SLC25A28: variants seen among roughly 807,000 people sequenced by gnomAD.
The protein encoded by SLC25A28 is mitoferrin-2.
Under a neutral mutation model 31.9 loss-of-function variants are expected in SLC25A28, and 10 were observed. The observed-to-expected ratio is 0.31, with a 90% CI of 0.19 to 0.53. SLC25A28 has a LOEUF of 0.53. Ranked by LOEUF, SLC25A28 falls within the 20% of genes least tolerant of loss-of-function variation. The probability of loss-of-function intolerance (pLI) is 0.95; values close to 1 mark genes in which losing one functional copy is unlikely to be tolerated. For missense variants in SLC25A28, 256 were observed against 490.3 expected (o/e 0.52, Z 4.51); for synonymous variants, 208 against 203.6 (o/e 1.02, Z -0.19).
chr10:99,644,532 T>A, the SLC25A28 span, among the ~76,000 whole-genome samples: 1 of 152,232 alleles, frequency 6.6e-6, no homozygotes, highest in Non-Finnish European at 1.5e-5. Flanking sequence ...TGTCTTTTAA[T>A]TGGAGCGTTT....
At chr10:99,649,924 T>C in the SLC25A28 span, among the ~76,000 whole-genome samples, 3 of 152,194 alleles carry the variant, frequency 2.0e-5, no homozygotes, top group African/African-American at 7.2e-5. Context: ...TTTTTTTTGG[T>C]CCCTATTTCA....
At position 99,620,096 on chromosome 10, in the gene SLC25A28, G is replaced by C; in HGVS notation, c.240C>G (p.Ala80=). The change falls in exon 1 of 4, where the codon GCC becomes GCG. Residue 80 remains alanine, a synonymous_variant. Coordinates refer to ENST00000370495, the MANE Select transcript of SLC25A28 (RefSeq NM_031212.4). ...CGCAGTGCTCCAGGATCCCTGCCAC[G>C]GCGCCTGCCACCATGTGCGTGGTGA... The part of the protein sequence containing the change: ...ATVTTHMVAG[A]VAGILEHCVM... 1 of 1,580,476 alleles carries C rather than the reference G, an allele frequency of 6.3e-7. No individual in the cohort carries two copies. Among genetic ancestry groups the C allele is most frequent in the Non-Finnish European group, 8.5e-7 (1 of 1,170,702 alleles).
At chr10:99,619,318 T>C in intron 1 of SLC25A28, 3 of 985,440 alleles carry the variant, frequency 3.0e-6, no homozygotes, top group Non-Finnish European at 3.6e-6. Context: ...GCCAAAGAAA[T>C]ATGCTATCAG....
Position 99,613,465 on chromosome 10 carries a change from G to A in SLC25A28, c.520+231C>T, listed in dbSNP as rs2034577355. ...GGAGATGAGAGGAACAAGTCAAGCT[G>A]GTAGGTAAGGGAGGATACTGTAACC... On this transcript the variant is annotated intron_variant, in intron 2 of 3. Coordinates refer to ENST00000370495, the MANE Select transcript of SLC25A28 (RefSeq NM_031212.4). The surrounding 1 kb of genome is among the most constrained non-coding windows in gnomAD (Gnocchi z 4.9). 1 of 1,402,006 alleles carries A rather than the reference G, an allele frequency of 7.1e-7. No individual in the cohort carries two copies. Among genetic ancestry groups the A allele is most frequent in the African/African-American group, 1.4e-5 (1 of 69,024 alleles). The allele number at this position is 1,402,006 out of a possible 1,614,324, so 86.8% of individuals were successfully genotyped here. A position where few individuals can be genotyped will look rare whatever the true frequency, so the allele number is the denominator to read the frequency against.
At chr10:99,627,179 T>C in the SLC25A28 span, among the ~76,000 whole-genome samples, 1 of 152,050 alleles carries the variant, frequency 6.6e-6, no homozygotes, top group Admixed American at 6.6e-5. Flanking sequence ...AGGCAGAGGT[T>C]GCAGTGAGCC....
At chr10:99,648,686 G>GTTTT in the SLC25A28 span, among the ~76,000 whole-genome samples, 48 of 119,762 alleles carry the variant, frequency 4.0e-4, 1 homozygote, top group Middle Eastern at 4.5e-3. Flanking sequence ...ATATTCCTAG[G>GTTTT]TTTTTTTTTT....
chr10:99,622,664 C>T, upstream of SLC25A28: 4 of 985,450 alleles, frequency 4.1e-6, no homozygotes, highest in Non-Finnish European at 4.8e-6. Flanking sequence ...TCAGAAACCA[C>T]TCTACCTTTT....
At chr10:99,619,686 A>C (rs1336791580) in intron 1 of SLC25A28, among the ~76,000 whole-genome samples, 1 of 152,228 alleles carries the variant, frequency 6.6e-6, no homozygotes, top group Non-Finnish European at 1.5e-5. Context: ...GGTCTGGTTC[A>C]CGCCAGTTGG....
the SLC25A28 span, among the ~76,000 whole-genome samples, chr10:99,652,699 C>A: frequency 2.6e-5 from 4 of 152,152 alleles, no homozygotes; most frequent in Non-Finnish European, 4.4e-5. Context: ...TGTTCAAGTA[C>A]TACGGGCTTT....
At chr10:99,619,822 T>G (rs2034741034) in intron 1 of SLC25A28, among the ~76,000 whole-genome samples, 1 of 152,234 alleles carries the variant, frequency 6.6e-6, no homozygotes, top group Non-Finnish European at 1.5e-5. Context: ...GAGTCCCGAT[T>G]CAGATTTCAC....
chr10:99,616,815 C>T (rs1044868464), intron 1 of SLC25A28: 2 of 931,280 alleles, frequency 2.1e-6, no homozygotes, highest in East Asian at 1.2e-4. Context: ...TATAACTTCC[C>T]TAAGCCTCCT....
At position 99,612,770 on chromosome 10, in the gene SLC25A28, A is replaced by T; in HGVS notation, c.521-171T>A. 3 of 702,546 alleles carry T rather than the reference A, an allele frequency of 4.3e-6. No individual in the cohort carries two copies. The East Asian group carries it at 8.0e-5, about 19-fold the overall frequency. 43.5% of individuals were successfully genotyped at this position (702,546 alleles called of 1,614,324 possible). On this transcript the variant is annotated intron_variant, in intron 2 of 3. Coordinates refer to ENST00000370495, the MANE Select transcript of SLC25A28 (RefSeq NM_031212.4). ...CTCCTAAACTCCTGTTTAAGAAGGT[A>T]AAGTATCTGTTCCCACCAACTTTGT... is the stretch of plus-strand genomic sequence containing the variant.
chr10:99,655,412 T>C, the SLC25A28 span, among the ~76,000 whole-genome samples: 1 of 152,178 alleles, frequency 6.6e-6, no homozygotes, highest in Non-Finnish European at 1.5e-5. Flanking sequence ...GTTAATATAG[T>C]TTAAAAACCA....
chr10:99,647,081 T>C, the SLC25A28 span, among the ~76,000 whole-genome samples: 1 of 152,372 alleles, frequency 6.6e-6, no homozygotes, highest in East Asian at 1.9e-4. Flanking sequence ...ATGGACACAG[T>C]TTGATTTCAT....
the SLC25A28 span, among the ~76,000 whole-genome samples, chr10:99,627,444 G>GTT: frequency 2.6e-3 from 365 of 139,846 alleles, 3 homozygotes; most frequent in African/African-American, 5.1e-3. Flanking sequence ...TATTCATCTT[G>GTT]TTTTTTTTTT....
the SLC25A28 span, among the ~76,000 whole-genome samples, chr10:99,638,895 T>C: frequency 1.3e-5 from 2 of 152,140 alleles, no homozygotes; most frequent in Non-Finnish European, 2.9e-5. Flanking sequence ...CTTAAAGAAC[T>C]AAAAGTAGAA....
At position 99,611,089 on chromosome 10, in the gene SLC25A28, G is replaced by A. The variant is rs962276278; in HGVS notation, c.855C>T (p.Cys285=). Residue 285 remains cysteine (C), a synonymous_variant, in exon 4 of 4, where the codon TGC becomes TGT. Transcript: ENST00000370495. This position sits in a 1 kb window ranked among gnomAD's most constrained non-coding sequence, Gnocchi z 5.5. Reference sequence around the variant, plus strand: ...ACTCCTGGGTGTTGAGCAGTGTTTTGCAAACGTCCAGTGGGGTTGTGGCTG... The same window carrying A: ...ACTCCTGGGTGTTGAGCAGTGTTTTACAAACGTCCAGTGGGGTTGTGGCTG... The part of the protein sequence containing the change: ...AAAATTPLDV[C]KTLLNTQESL... 19 of 1,614,080 alleles carry A rather than the reference G, an allele frequency of 1.2e-5. No homozygotes were observed. The highest frequency in any genetic ancestry group is 7.7e-5 in the South Asian group (7 of 91,090).
At chr10:99,653,493 C>T in the SLC25A28 span, among the ~76,000 whole-genome samples, 32 of 152,330 alleles carry the variant, frequency 2.1e-4, no homozygotes, top group Non-Finnish European at 4.3e-4. Flanking sequence ...CAACCAAACT[C>T]CTGACCCACA....
chr10:99,627,193 A>C, the SLC25A28 span, among the ~76,000 whole-genome samples: 1 of 152,174 alleles, frequency 6.6e-6, no homozygotes, highest in Admixed American at 6.5e-5. Context: ...GTGAGCCAAG[A>C]TCATGCCACC....
Sources: allele counts gnomAD v4.1 joint callset (sites outside exome capture counted in the v4.1 genomes callset), GRCh38; gene constraint gnomAD v4.1.1; non-coding constraint Gnocchi (gnomAD v3.1); transcripts MANE v1.5; gene names NCBI Gene and HGNC (gene_info 2026-07-23, HGNC 2026-07-21).